The following SIN3A variants were observed in gnomAD, a reference collection of about 807,000 sequenced individuals.
The protein encoded by SIN3A is paired amphipathic helix protein Sin3a.
In SIN3A, 14 loss-of-function variants were observed where a neutral mutation model predicts 146.1. The observed-to-expected ratio is 0.10, with a 90% CI of 0.06 to 0.15. The LOEUF (loss-of-function observed/expected upper bound fraction) is 0.15. Among genes scored for constraint, SIN3A ranks in the 10% least tolerant of loss-of-function variants. The pLI is 1.00. For missense variants in SIN3A, 1,028 were observed against 1,576.0 expected (o/e 0.65, Z 5.89); for synonymous variants, 572 against 572.0 (o/e 1.00, Z 0.00).
chr15:75,417,244 T>C (rs1257496716), intron 3 of SIN3A, among the ~76,000 whole-genome samples: 1 of 152,204 alleles, frequency 6.6e-6, no homozygotes, highest in African/African-American at 2.4e-5. Context: ...ACTAGGTGTT[T>C]CCTATTTACT....
chr15:75,402,084 G>GCAGCCTCCCATCCT, intron 9 of SIN3A, 114 bp from the exon 10 acceptor site: 1 of 675,618 alleles, frequency 1.5e-6, no homozygotes, highest in Non-Finnish European at 2.6e-6. Flanking sequence ...TCAGCTCACT[G>GCAGCCTCCCATCCT]CAGCCTCCCA....
chr15:75,381,621 C>T lies in SIN3A; in HGVS notation c.3280G>A (p.Glu1094Lys). 1 of 1,613,420 alleles carries T rather than the reference C, an allele frequency of 6.2e-7. No homozygotes were observed. Among genetic ancestry groups the T allele is most frequent in the South Asian group, 1.1e-5 (1 of 91,000 alleles). ...TEEENSDDPV[E>K]AERWSDYVER... ...GATGTACTTGCTCATACCTCTGCTT[C>T]CACAGGGTCATCCGAATTCTCCTCT... The change falls in exon 18 of 21, where the codon GAA becomes AAA. Residue 1094 changes from glutamate (E) to lysine (K), a missense_variant. This residue lies in a region of SIN3A where 488 missense variants were observed against 690.2 expected (regional missense o/e 0.71). Transcript: ENST00000394947.
At position 75,392,310 on chromosome 15, in the gene SIN3A, C is replaced by T. The variant is rs367989965; in HGVS notation, c.2783G>A (p.Arg928Gln). The change falls in exon 15 of 21, where the codon CGG (arginine) becomes CAG (glutamine). Residue 928 changes from arginine (R) to glutamine (Q), a missense_variant. Coordinates refer to ENST00000394947, the MANE Select transcript of SIN3A (RefSeq NM_001145358.2). ...GTCTCGCTTTATGCCCAGCACTTCC[C>T]GTTCCCATTCTCTCTCTCGGTTTTC... ...EEENREREWEREVLGIKRDKS... is the reference protein window; with the variant it reads ...EEENREREWEQEVLGIKRDKS... 1.3e-4 allele frequency: 215 copies of T among 1,614,084 alleles called. No individual in the cohort carries two copies. The highest frequency in any genetic ancestry group is 1.8e-4 in the Non-Finnish European group (211 of 1,180,048).
At chr15:75,435,995 C>A (rs1414622222) in intron 1 of SIN3A, among the ~76,000 whole-genome samples, 1 of 150,892 alleles carries the variant, frequency 6.6e-6, no homozygotes, top group Non-Finnish European at 1.5e-5. Flanking sequence ...GAAGTGGTGG[C>A]GCACAACTAT....
At chr15:75,375,515 T>C (rs2072838388) in intron 20 of SIN3A, 150 bp downstream of exon 20, 1 of 655,024 alleles carries the variant, frequency 1.5e-6, no homozygotes, top group Non-Finnish European at 2.7e-6. Flanking sequence ...ACAGCATCCT[T>C]AGCAACCAAC....
At chr15:75,404,242 T>C (rs1438357568) in intron 9 of SIN3A, among the ~76,000 whole-genome samples, 1 of 152,210 alleles carries the variant, frequency 6.6e-6, no homozygotes, top group Non-Finnish European at 1.5e-5. Context: ...AAGAACACTG[T>C]ACCTTTTATA....
intron 12 of SIN3A, among the ~76,000 whole-genome samples, chr15:75,397,435 C>A (rs528761296): frequency 6.6e-6 from 1 of 152,236 alleles, no homozygotes; most frequent in Admixed American, 6.5e-5. Context: ...TTCTAGGCTG[C>A]AGCATTTAAA....
intron 1 of SIN3A, among the ~76,000 whole-genome samples, chr15:75,450,606 C>T (rs999833831): frequency 6.6e-6 from 1 of 152,234 alleles, no homozygotes; most frequent in Non-Finnish European, 1.5e-5. Context: ...CTCCCACTCT[C>T]CTGGCTGCAC....
intron 16 of SIN3A, 133 bp downstream of exon 16, chr15:75,389,519 C>A (rs2073157899): frequency 1.2e-6 from 1 of 814,792 alleles, no homozygotes; most frequent in Non-Finnish European, 2.0e-6. Flanking sequence ...ACATTAACCT[C>A]CCCTCCTCTC....
At chr15:75,421,307 A>G (rs1210705296) in intron 3 of SIN3A, 1 of 152,192 alleles carries the variant, frequency 6.6e-6, no homozygotes, top group African/African-American at 2.4e-5. Context: ...GTTTTAAAGG[A>G]AACATCAATA....
chr15:75,427,480 C>T (rs568772940), intron 2 of SIN3A, among the ~76,000 whole-genome samples: 5 of 151,940 alleles, frequency 3.3e-5, no homozygotes, highest in South Asian at 4.2e-4. Flanking sequence ...GCCAGCACAG[C>T]GAAACCCCAT....
At position 75,412,860 on chromosome 15, in the gene SIN3A, G is replaced by C; in HGVS notation, c.659C>G (p.Pro220Arg). Reference sequence around the variant, plus strand: ...GGAAGGATGTTGGGGTGGTGGTTGAGGCTGTGGCTGGATGCCATGGGTGGG... The same window carrying C: ...GGAAGGATGTTGGGGTGGTGGTTGACGCTGTGGCTGGATGCCATGGGTGGG... ...QIPTHGIQPQPQPPPQHPSQP... is the reference protein window; with the variant it reads ...QIPTHGIQPQRQPPPQHPSQP... The change falls in exon 5 of 21, where the codon CCT (proline) becomes CGT (arginine). Residue 220 changes from proline (P) to arginine (R), a missense_variant. Physicochemically the swap from Pro to Arg is moderately radical, Grantham distance 103. Coordinates refer to ENST00000394947, the MANE Select transcript of SIN3A (RefSeq NM_001145358.2). 1 of 1,613,618 alleles carries C rather than the reference G, an allele frequency of 6.2e-7. No individual in the cohort carries two copies. Among genetic ancestry groups the C allele is most frequent in the Non-Finnish European group, 8.5e-7 (1 of 1,179,750 alleles).
Position 75,372,225 on chromosome 15 carries a change from A to C in SIN3A, c.3592-16T>G. ...GCTCATGGGACTGCAAAACAGAAAA[A>C]AAAAATTTTATTAAATGAAGCAGAA... On this transcript the variant is annotated splice_polypyrimidine_tract_variant and intron_variant, in intron 20 of 20. Transcript: ENST00000394947. The C allele has an allele frequency of 6.6e-7, 1 of 1,525,244 alleles. No individual in the cohort carries two copies. The highest frequency in any genetic ancestry group is 8.8e-7 in the Non-Finnish European group (1 of 1,131,720). The allele number at this position is 1,525,244 out of a possible 1,614,324, so 94.5% of individuals were successfully genotyped here. A position where few individuals can be genotyped will look rare whatever the true frequency, so the allele number is the denominator to read the frequency against.
intron 3 of SIN3A, chr15:75,415,209 T>C (rs1319355613): frequency 6.6e-6 from 1 of 152,158 alleles, no homozygotes; most frequent in Non-Finnish European, 1.5e-5. Flanking sequence ...ATTATAGTAC[T>C]GGCCCAGAAC....
At position 75,389,751 on chromosome 15, in the gene SIN3A, T is replaced by C. The variant is rs141711068; in HGVS notation, c.2922A>G (p.Ile974Met). 3.1e-6 allele frequency: 5 copies of C among 1,614,010 alleles called. 1 individual carries two copies. In the African/African-American group the frequency reaches 4.0e-5, roughly 13 times the overall value. ...DMVRSLLDGN[I>M]DSSQYEDSLR... ...GTGAATCTTCATACTGTGATGAGTC[T>C]ATGTTGCCATCCAGCAGGCTCCGCA... Residue 974 changes from isoleucine (I) to methionine (M), a missense_variant, in exon 16 of 21, where the codon ATA becomes ATG. Physicochemically the swap from Ile to Met is conservative, Grantham distance 10 (BLOSUM62 1). Coordinates refer to ENST00000394947, the MANE Select transcript of SIN3A (RefSeq NM_001145358.2).
At chr15:75,452,109 G>C (rs934938474), upstream of SIN3A, among the ~76,000 whole-genome samples, 1 of 152,224 alleles carries the variant, frequency 6.6e-6, no homozygotes, top group African/African-American at 2.4e-5. Flanking sequence ...GCCCCAGTAA[G>C]GTAAGTAACC....
At chr15:75,446,980 G>A (rs1009738666) in intron 1 of SIN3A, among the ~76,000 whole-genome samples, 26 of 151,940 alleles carry the variant, frequency 1.7e-4, no homozygotes, top group African/African-American at 5.3e-4. Flanking sequence ...TGTTAGCCAG[G>A]ATGGTCTCAA....
At chr15:75,445,610 G>C (rs537174664) in intron 1 of SIN3A, among the ~76,000 whole-genome samples, 41 of 151,596 alleles carry the variant, frequency 2.7e-4, no homozygotes, top group African/African-American at 8.7e-4. Flanking sequence ...GGGTGTAGTG[G>C]CGCATGCCTG....
In SIN3A at chr15:75,430,352, C is replaced by T; in HGVS notation, c.24G>A (p.Gln8=). 6.2e-7 allele frequency: 1 copy of T among 1,612,436 alleles called. No individual in the cohort carries two copies. The highest frequency in any genetic ancestry group is 1.1e-5 in the South Asian group (1 of 90,932). ...GCTGGGCTGCATACACCGGTGACTC[C>T]TGGTCATCCAAACGCCGCTTCATTC... MKRRLDD[Q]ESPVYAAQQR... Residue 8 remains glutamine, a synonymous_variant, in exon 2 of 21, where the codon CAG becomes CAA. Transcript: ENST00000394947.
Sources: allele counts gnomAD v4.1 joint callset (sites outside exome capture counted in the v4.1 genomes callset), GRCh38; gene constraint gnomAD v4.1.1; regional missense constraint gnomAD v4.1.1; transcripts MANE v1.5; gene names NCBI Gene and HGNC (gene_info 2026-07-23, HGNC 2026-07-21).